ANO2: variants seen among roughly 807,000 people sequenced by gnomAD.
The protein encoded by ANO2 is anoctamin 2.
Under a neutral mutation model 124.2 loss-of-function variants are expected in ANO2, and 101 were observed. The observed-to-expected ratio is 0.81, with a 90% CI of 0.69 to 0.96. The LOEUF (loss-of-function observed/expected upper bound fraction) is 0.96, where lower values mean the gene tolerates loss of function less well. Ranked by LOEUF, ANO2 falls within the 40% of genes least tolerant of loss-of-function variation. The pLI is 0.00. For missense variants in ANO2, 1,293 were observed against 1,274.5 expected (o/e 1.01, Z -0.22); for synonymous variants, 486 against 482.5 (o/e 1.01, Z -0.09).
rs145554757 is a variant in ANO2 at position 5,877,427 on chromosome 12, C to A, written c.535-23286G>T. Among the ~76,000 whole-genome samples, 322 of 152,272 alleles carry A rather than the reference C, an allele frequency of 2.1e-3. 1 individual carries two copies. Among genetic ancestry groups the A allele is most frequent in the African/African-American group, 7.3e-3 (303 of 41,542 alleles). ...AGCCAAGAAATTTGAGGTAGTTGTT[C>A]TGGGAGTCTTAAGAGAGTTAGCAAC... is the stretch of plus-strand genomic sequence containing the variant. On this transcript the variant is annotated intron_variant, in intron 3 of 24. Coordinates refer to ENST00000682330, the MANE Select transcript of ANO2 (RefSeq NM_001364791.2).
At chr12:5,717,541 T>C (rs1408469232) in intron 14 of ANO2, among the ~76,000 whole-genome samples, 1 of 152,180 alleles carries the variant, frequency 6.6e-6, no homozygotes. Flanking sequence ...TTGAAGGCTC[T>C]GTAAGATACG....
chr12:5,615,232 C>T lies in ANO2; in HGVS notation c.1882G>A (p.Val628Ile). The change falls in exon 17 of 25, where the codon GTC (valine) becomes ATC (isoleucine). Residue 628 changes from valine (V) to isoleucine (I), a missense_variant. Coordinates refer to ENST00000682330, the MANE Select transcript of ANO2 (RefSeq NM_001364791.2). ...LILKAFLLKF[V>I]NAYSPIFYVA... Reference sequence around the variant, plus strand: ...TAGAAGATGGGGGAGTAGGCATTGACAAACTTGAGCAAGAAAGCTTTGAGG... The same window carrying T: ...TAGAAGATGGGGGAGTAGGCATTGATAAACTTGAGCAAGAAAGCTTTGAGG... The T allele has an allele frequency of 6.2e-7, 1 of 1,613,778 alleles. No homozygotes were observed. The highest frequency in any genetic ancestry group is 8.5e-7 in the Non-Finnish European group (1 of 1,179,800).
Position 5,563,583 on chromosome 12 carries a change from G to A in ANO2, c.2728-15C>T, listed in dbSNP as rs142941746. On this transcript the variant is annotated splice_polypyrimidine_tract_variant and intron_variant, in intron 24 of 24. Transcript: ENST00000682330. ...ATCACGAGGTTCTGCAAAAAGCCAA[G>A]GAGAGAGGGGCTGAGTTGGAGAGGC... is the stretch of plus-strand genomic sequence containing the variant. 3.6e-4 allele frequency: 581 copies of A among 1,612,858 alleles called. 3 individuals are homozygous for A. In the African/African-American group the frequency reaches 7.1e-3, roughly 20 times the overall value.
chr12:5,825,943 G>T (rs1183024620), intron 7 of ANO2, among the ~76,000 whole-genome samples: 1 of 152,182 alleles, frequency 6.6e-6, no homozygotes, highest in African/African-American at 2.4e-5. Context: ...AGTGAAGAAG[G>T]TAGTCATCAA....
At chr12:5,731,362 T>TA (rs34286445) in intron 14 of ANO2, among the ~76,000 whole-genome samples, 10,813 of 147,234 alleles carry the variant, frequency 0.073, 464 homozygotes, top group Non-Finnish European at 0.086. Context: ...TCTGTTTTCT[T>TA]AAAAAAAAAA....
chr12:5,764,633 C>A (rs925794314), intron 10 of ANO2, among the ~76,000 whole-genome samples: 1 of 152,186 alleles, frequency 6.6e-6, no homozygotes, highest in Non-Finnish European at 1.5e-5. Context: ...GTTAATTGGA[C>A]AGGACTACAT....
chr12:5,687,538 T>G (rs1565568417), intron 14 of ANO2, among the ~76,000 whole-genome samples: 1 of 152,346 alleles, frequency 6.6e-6, no homozygotes, highest in Middle Eastern at 3.4e-3. Flanking sequence ...GGGGTCCTGA[T>G]GGAGGCTTGG....
intron 20 of ANO2, among the ~76,000 whole-genome samples, chr12:5,588,252 G>C (rs987368802): frequency 1.3e-5 from 2 of 150,926 alleles, no homozygotes; most frequent in African/African-American, 4.9e-5. Context: ...ACCAGAGGCG[G>C]GGGGCAGCTT....
chr12:5,851,560 C>T (rs561102365), intron 4 of ANO2, among the ~76,000 whole-genome samples: 103 of 152,074 alleles, frequency 6.8e-4, no homozygotes, highest in South Asian at 3.5e-3. Context: ...TGATGAGCAC[C>T]TGTAATCCCA....
At chr12:5,854,949 T>TC (rs1555174018) in intron 3 of ANO2, among the ~76,000 whole-genome samples, 8 of 151,486 alleles carry the variant, frequency 5.3e-5, no homozygotes, top group African/African-American at 1.7e-4. Flanking sequence ...TTTTTTTTTT[T>TC]CAAAACAAGC....
At chr12:5,825,886 C>G (rs1040288947) in intron 7 of ANO2, among the ~76,000 whole-genome samples, 2 of 152,172 alleles carry the variant, frequency 1.3e-5, no homozygotes, top group African/African-American at 2.4e-5. Context: ...AAGAAAACCA[C>G]GACCTGCTGA....
intron 14 of ANO2, among the ~76,000 whole-genome samples, chr12:5,728,148 G>A (rs1309431345): frequency 6.6e-6 from 1 of 152,086 alleles, no homozygotes; most frequent in South Asian, 2.1e-4. Context: ...TCCAATCAGG[G>A]CAATTAGGAA....
At chr12:5,828,027 C>G (rs116494733) in intron 6 of ANO2, among the ~76,000 whole-genome samples, 147 of 152,324 alleles carry the variant, frequency 9.7e-4, no homozygotes, top group African/African-American at 3.4e-3. Context: ...GTAAGGCCCG[C>G]GCACACATCC....
intron 13 of ANO2, chr12:5,739,032 C>A: frequency 3.5e-6 from 2 of 564,460 alleles, no homozygotes; most frequent in South Asian, 3.2e-5. Flanking sequence ...CTTGTTCTTG[C>A]ATCTTCTGCC....
chr12:5,739,612 C>CACACACACACAA (rs1555153158), intron 12 of ANO2, among the ~76,000 whole-genome samples: 29 of 151,802 alleles, frequency 1.9e-4, no homozygotes, highest in African/African-American at 6.8e-4. Context: ...CACACACACA[C>CACACACACACAA]ACACACACAC....
upstream of ANO2, chr12:5,945,388 C>T (rs1943064461): frequency 1.7e-6 from 1 of 600,848 alleles, no homozygotes; most frequent in Non-Finnish European, 2.1e-6. Context: ...GCAGCCACAG[C>T]CCAGCTCTCC....
chr12:5,845,297 G>A (rs1954647527), intron 4 of ANO2, among the ~76,000 whole-genome samples: 1 of 151,556 alleles, frequency 6.6e-6, no homozygotes, highest in Non-Finnish European at 1.5e-5. Context: ...GCCTGGCACT[G>A]TGGCTCACGC....
chr12:5,831,075 A>G (rs964101032), intron 5 of ANO2, among the ~76,000 whole-genome samples: 6 of 152,210 alleles, frequency 3.9e-5, no homozygotes, highest in African/African-American at 1.4e-4. Flanking sequence ...TTTTAACTTC[A>G]TATACTGAGC....
intron 3 of ANO2, among the ~76,000 whole-genome samples, chr12:5,910,875 G>A (rs753619307): frequency 1.3e-5 from 2 of 152,078 alleles, no homozygotes; most frequent in African/African-American, 4.8e-5. Flanking sequence ...TGTCTACCAC[G>A]TACACCACCC....
Sources: gnomAD v4.1 joint callset for allele counts (sites outside exome capture counted in the v4.1 genomes callset) on GRCh38, gnomAD v4.1.1 for gene constraint, MANE v1.5 for transcripts, NCBI Gene and HGNC (gene_info 2026-07-23, HGNC 2026-07-21) for gene names.